FOXJ2: variants seen among roughly 807,000 people sequenced by gnomAD.
FOXJ2 encodes forkhead box J2, also known as forkhead box protein J2.
A neutral mutation model predicts 68.4 loss-of-function variants in FOXJ2; 18 were observed. That is an observed-to-expected ratio of 0.26 (90% confidence interval 0.18 to 0.39). FOXJ2 has a LOEUF of 0.39. Ranked by LOEUF, FOXJ2 falls within the 10% of genes least tolerant of loss-of-function variation. The pLI is 1.00. For missense variants in FOXJ2, 670 were observed against 726.5 expected, an observed-to-expected ratio of 0.92 and a Z score of 0.89; for synonymous variants, 274 against 263.2, an observed-to-expected ratio of 1.04 and a Z score of -0.40.
intron 1 of FOXJ2, among the ~76,000 whole-genome samples, chr12:8,039,493 A>G (rs1946937690): frequency 6.6e-6 from 1 of 152,170 alleles, no homozygotes; most frequent in South Asian, 2.1e-4. Flanking sequence ...TTTCAAACCC[A>G]TTCCTACATA....
At chr12:8,036,550 G>A (rs181629420) in intron 1 of FOXJ2, among the ~76,000 whole-genome samples, 81 of 144,144 alleles carry the variant, frequency 5.6e-4, no homozygotes, top group African/African-American at 2.1e-3. Context: ...CCCAAGCCCC[G>A]TGGCACAGGG....
chr12:8,044,832 C>A lies in FOXJ2; in HGVS notation c.691C>A (p.Pro231Thr). ...SGRESAEGPP[P>T]LYNTNHDFKF... The stretch of plus-strand genomic sequence containing the variant: ...CCGAGAAAGTGCTGAGGGTCCCCCT[C>A]CCCTCTATAACACCAACCATGACTT... The change falls in exon 6 of 11, where the codon CCC (proline) becomes ACC (threonine). Residue 231 changes from proline (P) to threonine (T), a missense_variant. Physicochemically the swap from Pro to Thr is conservative, Grantham distance 38. Around this residue, in one of 2 missense-constraint regions of FOXJ2, gnomAD observed 555 missense variants for 562.2 expected, o/e 0.99. Coordinates refer to ENST00000162391, the MANE Select transcript of FOXJ2 (RefSeq NM_018416.3). The A allele has an allele frequency of 6.2e-7, 1 of 1,613,982 alleles. No individual in the cohort carries two copies. Among genetic ancestry groups the A allele is most frequent in the Non-Finnish European group, 8.5e-7 (1 of 1,179,882 alleles).
intron 9 of FOXJ2, chr12:8,050,138 T>G: frequency 5.6e-6 from 1 of 177,742 alleles, no homozygotes; most frequent in Non-Finnish European, 1.1e-5. Flanking sequence ...GCCCAGCTAA[T>G]TTTTTTTTTG....
chr12:8,051,047 C>A (rs1591582209), intron 10 of FOXJ2, among the ~76,000 whole-genome samples: 1 of 131,720 alleles, frequency 7.6e-6, no homozygotes, highest in Admixed American at 7.6e-5. Flanking sequence ...TCCCCTTCCC[C>A]TTCCCTTGCC....
In FOXJ2 at chr12:8,055,291, G is replaced by C. The variant is rs1304572343; in HGVS notation, c.*2441G>C. The C allele has an allele frequency of 6.6e-6, 1 of 152,660 alleles. No homozygotes were observed. The highest frequency in any genetic ancestry group is 2.4e-5 in the African/African-American group (1 of 41,456). 9.5% of individuals were successfully genotyped at this position (152,660 alleles called of 1,614,324 possible). On this transcript the variant is annotated 3_prime_UTR_variant, in exon 11 of 11. Coordinates refer to ENST00000162391, the MANE Select transcript of FOXJ2 (RefSeq NM_018416.3). ...AGAGGAAATAAGAGAGAAAGTGGAG[G>C]AGAGGGACAAAAGGAGTAATTATTT...
At chr12:8,043,299 TC>T (rs2121334563) in intron 3 of FOXJ2, among the ~76,000 whole-genome samples, 1 of 151,560 alleles carries the variant, frequency 6.6e-6, no homozygotes, top group South Asian at 2.1e-4. Flanking sequence ...ACTTTCATGC[TC>T]CCCCTTTTTT....
chr12:8,032,925 C>T lies in FOXJ2; in HGVS notation c.-923C>T, dbSNP rs920461362. 7.5e-6 allele frequency: 3 copies of T among 397,658 alleles called. No homozygotes were observed. Among genetic ancestry groups the T allele is most frequent in the Non-Finnish European group, 1.3e-5 (3 of 225,652 alleles). The allele number at this position is 397,658 out of a possible 1,614,324, so 24.6% of individuals were successfully genotyped here. A position where few individuals can be genotyped will look rare whatever the true frequency, so the allele number is the denominator to read the frequency against. On this transcript the variant is annotated 5_prime_UTR_variant, in exon 1 of 11. Transcript: ENST00000162391. This position sits in a 1 kb window ranked among gnomAD's most constrained non-coding sequence, Gnocchi z 4.8. The stretch of plus-strand genomic sequence containing the variant: ...ACCGGAGTCTCGAGCCGCGGCCTCC[C>T]GGACCGTGCTGCCCAGGCCAGCTCA...
rs201932861 is a variant in FOXJ2 at position 8,038,828 on chromosome 12, C to CAGCG, written c.-14-986_-14-983dup. ...AGCTCCAGGAGTTTGCATGGAGGTG[C>CAGCG]AGCGAGCGTGCCTGCCTGGCTGGGA... is the stretch of plus-strand genomic sequence containing the variant. On this transcript the variant is annotated intron_variant, in intron 1 of 10. Coordinates refer to ENST00000162391, the MANE Select transcript of FOXJ2 (RefSeq NM_018416.3). The surrounding 1 kb of genome is among the most constrained non-coding windows in gnomAD (Gnocchi z 5.3). Among the ~76,000 whole-genome samples, 2,449 of 152,290 alleles carry CAGCG rather than the reference C, an allele frequency of 0.016. 55 individuals carry two copies. Among genetic ancestry groups the CAGCG allele is most frequent in the African/African-American group, 0.055 (2,269 of 41,544 alleles).
At chr12:8,050,899 C>CCCCTCCCCTTCCCCTT (rs1947112286) in intron 10 of FOXJ2, among the ~76,000 whole-genome samples, 1 of 59,082 alleles carries the variant, frequency 1.7e-5, no homozygotes, top group Non-Finnish European at 3.9e-5. Context: ...CCCTTCCCTT[C>CCCCTCCCCTTCCCCTT]CCCTTCCCTT....
intron 9 of FOXJ2, chr12:8,050,263 A>G: frequency 8.7e-7 from 1 of 1,148,222 alleles, no homozygotes; most frequent in Non-Finnish European, 1.1e-6. Flanking sequence ...GGCATGAGCC[A>G]CCATACCTGG....
chr12:8,048,348 C>T, intron 7 of FOXJ2, 59 bp downstream of exon 7: 2 of 1,504,346 alleles, frequency 1.3e-6, no homozygotes, highest in Non-Finnish European at 1.8e-6. Flanking sequence ...CTTGTCCTAA[C>T]ACCGGCATGG....
chr12:8,046,089 G>A (rs1266044588), intron 6 of FOXJ2, among the ~76,000 whole-genome samples: 1 of 152,194 alleles, frequency 6.6e-6, no homozygotes, highest in African/African-American at 2.4e-5. Flanking sequence ...AGGCAAGCTA[G>A]GCTAATAGCT....
chr12:8,052,286 G>A (rs1372630650), intron 10 of FOXJ2, among the ~76,000 whole-genome samples: 3 of 150,776 alleles, frequency 2.0e-5, no homozygotes, highest in South Asian at 2.1e-4. Flanking sequence ...GCAATGGCAC[G>A]GTCTTAGCTC....
In FOXJ2 at chr12:8,048,774, A is replaced by G. The variant is rs756119310; in HGVS notation, c.1303A>G (p.Ser435Gly). ...FKMVNRLNWS[S>G]IEQSQFSELM... ...GATGGTGAATCGGCTCAATTGGTCC[A>G]GCATTGAGCAGTCACAATTCTCAGG... The change falls in exon 8 of 11, where the codon AGC becomes GGC. Residue 435 changes from serine to glycine, a missense_variant. Physicochemically the swap from Ser to Gly is moderately conservative, Grantham distance 56 (BLOSUM62 0). Coordinates refer to ENST00000162391, the MANE Select transcript of FOXJ2 (RefSeq NM_018416.3). The G allele has an allele frequency of 4.3e-6, 7 of 1,614,032 alleles. No homozygotes were observed. The highest frequency in any genetic ancestry group is 5.9e-6 in the Non-Finnish European group (7 of 1,179,938).
chr12:8,050,359 C>A, intron 9 of FOXJ2, 163 bp from the exon 10 acceptor site: 3 of 1,396,228 alleles, frequency 2.1e-6, no homozygotes, highest in Non-Finnish European at 2.8e-6. Flanking sequence ...GTGGTGAGGA[C>A]TGACAGCTTC....
intron 7 of FOXJ2, 146 bp from the exon 8 acceptor site, chr12:8,048,551 C>T (rs1947071952): frequency 2.7e-6 from 3 of 1,108,744 alleles, no homozygotes; most frequent in East Asian, 4.8e-5. Context: ...GTCCTAAACT[C>T]CCAGGGAGGG....
chr12:8,043,793 A>G (rs1181332468), intron 4 of FOXJ2, 24 bp downstream of exon 4: 1 of 1,613,826 alleles, frequency 6.2e-7, no homozygotes, highest in South Asian at 1.1e-5. Flanking sequence ...TCATGAGGAG[A>G]TGCCATATCT....
Position 8,048,853 on chromosome 12 carries a change from T to C in FOXJ2, c.1327+55T>C. Reference sequence around the variant, plus strand: ...GGATACACTGTAAGGGAAAACCCAGTAGAAACTGGAACCGGAAGGGGGTGG... The same window carrying C: ...GGATACACTGTAAGGGAAAACCCAGCAGAAACTGGAACCGGAAGGGGGTGG... On this transcript the variant is annotated intron_variant, in intron 8 of 10. Coordinates refer to ENST00000162391, the MANE Select transcript of FOXJ2 (RefSeq NM_018416.3). 3 of 1,457,320 alleles carry C rather than the reference T, an allele frequency of 2.1e-6. No homozygotes were observed. In the South Asian group the frequency reaches 3.5e-5, roughly 17 times the overall value. The allele number at this position is 1,457,320 out of a possible 1,614,324, so 90.3% of individuals were successfully genotyped here. A position where few individuals can be genotyped will look rare whatever the true frequency, so the allele number is the denominator to read the frequency against.
intron 1 of FOXJ2, among the ~76,000 whole-genome samples, chr12:8,034,605 G>A (rs1469475756): frequency 6.6e-6 from 1 of 152,130 alleles, no homozygotes; most frequent in African/African-American, 2.4e-5. Flanking sequence ...AATTCTTCAG[G>A]AAAAATTAGA....
Sources: gnomAD v4.1 joint callset for allele counts (sites outside exome capture counted in the v4.1 genomes callset) on GRCh38, gnomAD v4.1.1 for gene constraint, gnomAD v4.1.1 regional missense constraint, Gnocchi (gnomAD v3.1) non-coding constraint, MANE v1.5 for transcripts, NCBI Gene and HGNC (gene_info 2026-07-23, HGNC 2026-07-21) for gene names.